ZNF407: variants seen among roughly 807,000 people sequenced by gnomAD.
The protein encoded by ZNF407 is zinc finger protein 407.
ZNF407 carries 17 observed loss-of-function variants against 131.2 expected under a neutral mutation model. The observed-to-expected ratio is 0.13, with a 90% CI of 0.09 to 0.19. The LOEUF (loss-of-function observed/expected upper bound fraction) is 0.19, where lower values mean the gene tolerates loss of function less well. Ranked by LOEUF, ZNF407 falls within the 10% of genes least tolerant of loss-of-function variation. ZNF407 has a pLI of 1.00. For synonymous variants in ZNF407, 1,156 were observed against 1,062.0 expected, an observed-to-expected ratio of 1.09 and a Z score of -1.72; for missense variants, 2,681 against 2,830.6, an observed-to-expected ratio of 0.95 and a Z score of 1.20.
intron 8 of ZNF407, among the ~76,000 whole-genome samples, chr18:75,022,294 G>T (rs1384949495): frequency 6.6e-6 from 1 of 152,118 alleles, no homozygotes; most frequent in Non-Finnish European, 1.5e-5. Context: ...TTCTTTTAAT[G>T]AGAGCAAGAG....
chr18:74,993,354 G>A (rs1345863778), intron 8 of ZNF407, among the ~76,000 whole-genome samples: 1 of 152,180 alleles, frequency 6.6e-6, no homozygotes, highest in Admixed American at 6.5e-5. Context: ...TTATGGATGA[G>A]TCTCAAAAGT....
chr18:74,798,750 C>T (rs1969967801), intron 4 of ZNF407, among the ~76,000 whole-genome samples: 1 of 151,984 alleles, frequency 6.6e-6, no homozygotes, highest in Admixed American at 6.6e-5. Flanking sequence ...TTATTTTAGG[C>T]CTATGGGCTC....
Position 74,784,790 on chromosome 18 carries a change from T to C in ZNF407, c.4877+3288T>C, listed in dbSNP as rs1409917205. On this transcript the variant is annotated intron_variant, in intron 4 of 8. Transcript: ENST00000299687. ...CTTTATGACTCTTTGAATTGACTAA[T>C]AGTAATCTAGAAAACGAGCTTATCT... Among the ~76,000 whole-genome samples the C allele has an allele frequency of 3.3e-5, 5 of 152,350 alleles. No homozygotes were observed. In the East Asian group the frequency reaches 7.7e-4, roughly 23 times the overall value.
intron 4 of ZNF407, among the ~76,000 whole-genome samples, chr18:74,797,871 T>C (rs1170649792): frequency 1.3e-5 from 2 of 151,750 alleles, no homozygotes; most frequent in African/African-American, 4.8e-5. Context: ...TTAATTAAGG[T>C]TACAACTATC....
intron 4 of ZNF407, among the ~76,000 whole-genome samples, chr18:74,845,371 A>G (rs140177053): frequency 1.5e-4 from 23 of 152,362 alleles, no homozygotes; most frequent in African/African-American, 5.5e-4. Context: ...ATTAGCTTCT[A>G]CAACTTTTCA....
At chr18:74,722,036 T>C (rs944057542) in intron 3 of ZNF407, among the ~76,000 whole-genome samples, 4 of 152,014 alleles carry the variant, frequency 2.6e-5, no homozygotes, top group African/African-American at 9.7e-5. Context: ...TTTTTGTTGC[T>C]TGTAGGATTT....
chr18:74,975,397 G>GC (rs1369674001), intron 8 of ZNF407, among the ~76,000 whole-genome samples: 2 of 152,150 alleles, frequency 1.3e-5, no homozygotes, highest in African/African-American at 4.8e-5. Context: ...GCATCTTGTA[G>GC]CCAAGTCGGT....
chr18:74,805,336 A>G (rs1018051936), intron 4 of ZNF407, among the ~76,000 whole-genome samples: 19 of 152,312 alleles, frequency 1.2e-4, no homozygotes, highest in Admixed American at 5.2e-4. Context: ...TGAATTTCTC[A>G]TATATTGCGG....
At chr18:74,927,442 A>T (rs1034848143) in intron 8 of ZNF407, among the ~76,000 whole-genome samples, 2 of 152,218 alleles carry the variant, frequency 1.3e-5, no homozygotes, top group African/African-American at 4.8e-5. Flanking sequence ...TAAAAACACC[A>T]TGGTAAATGT....
intron 4 of ZNF407, among the ~76,000 whole-genome samples, chr18:74,848,114 G>A (rs1250683792): frequency 1.3e-5 from 2 of 151,976 alleles, no homozygotes. Context: ...AACTCATATA[G>A]GATTTTTCAC....
chr18:74,991,882 A>G (rs1222398671), intron 8 of ZNF407, among the ~76,000 whole-genome samples: 1 of 152,250 alleles, frequency 6.6e-6, no homozygotes, highest in Non-Finnish European at 1.5e-5. Context: ...GAGAGAAAAT[A>G]ATAGGTCCAA....
chr18:74,747,068 G>T (rs189400498), intron 3 of ZNF407, among the ~76,000 whole-genome samples: 1 of 152,184 alleles, frequency 6.6e-6, no homozygotes, highest in East Asian at 1.9e-4. Context: ...CGGGACCATT[G>T]TCATATATGT....
chr18:75,015,766 AC>A (rs1318440985), intron 8 of ZNF407, among the ~76,000 whole-genome samples: 1 of 151,780 alleles, frequency 6.6e-6, no homozygotes, highest in Non-Finnish European at 1.5e-5. Flanking sequence ...AAAAAATAAC[AC>A]TAGATTTATC....
At chr18:74,731,600 G>A (rs1182553630) in intron 3 of ZNF407, among the ~76,000 whole-genome samples, 1 of 152,144 alleles carries the variant, frequency 6.6e-6, no homozygotes, top group African/African-American at 2.4e-5. Flanking sequence ...TGACATCTTG[G>A]ATTTTGAGAA....
intron 4 of ZNF407, among the ~76,000 whole-genome samples, chr18:74,861,380 T>C (rs1022823854): frequency 6.6e-6 from 1 of 152,246 alleles, no homozygotes; most frequent in African/African-American, 2.4e-5. Context: ...TGTAATAATC[T>C]GCTTATTTTC....
At chr18:74,980,270 T>G (rs57836806) in intron 8 of ZNF407, among the ~76,000 whole-genome samples, 184 of 148,954 alleles carry the variant, frequency 1.2e-3, no homozygotes, top group African/African-American at 4.1e-3. Flanking sequence ...TTTTTTTTTT[T>G]TCTTTAAAGA....
At chr18:74,822,361 C>G (rs1970352988) in intron 4 of ZNF407, among the ~76,000 whole-genome samples, 1 of 152,062 alleles carries the variant, frequency 6.6e-6, no homozygotes, top group Non-Finnish European at 1.5e-5. Context: ...CTGAATGGTA[C>G]TGCCTATGTT....
intron 8 of ZNF407, among the ~76,000 whole-genome samples, chr18:74,941,755 T>C (rs1346310993): frequency 1.3e-5 from 2 of 152,204 alleles, no homozygotes; most frequent in Non-Finnish European, 2.9e-5. Context: ...TAGGCTAGGA[T>C]ACTTAGCTTT....
At chr18:75,052,331 A>G (rs1220686959) in intron 8 of ZNF407, among the ~76,000 whole-genome samples, 1 of 152,156 alleles carries the variant, frequency 6.6e-6, no homozygotes, top group Non-Finnish European at 1.5e-5. Flanking sequence ...CGCTTATGCT[A>G]GATTGCCTTT....
Sources: gnomAD v4.1 joint callset for allele counts (sites outside exome capture counted in the v4.1 genomes callset) on GRCh38, gnomAD v4.1.1 for gene constraint, MANE v1.5 for transcripts, NCBI Gene and HGNC (gene_info 2026-07-23, HGNC 2026-07-21) for gene names.